The following ASXL2 variants were observed in gnomAD, a reference collection of about 807,000 sequenced individuals.
The protein encoded by ASXL2 is putative Polycomb group protein ASXL2.
In ASXL2, 23 loss-of-function variants were observed where a neutral mutation model predicts 122.0. The observed-to-expected ratio is 0.19, with a 90% CI of 0.14 to 0.27. ASXL2 has a LOEUF of 0.27. Among genes scored for constraint, ASXL2 ranks in the 10% least tolerant of loss-of-function variants. The pLI is 1.00. For missense variants in ASXL2, 1,518 were observed against 1,713.8 expected (o/e 0.89, Z 2.02); for synonymous variants, 650 against 637.0 (o/e 1.02, Z -0.31).
chr2:25,794,114 T>C (rs564501799), intron 5 of ASXL2, among the ~76,000 whole-genome samples: 6 of 152,304 alleles, frequency 3.9e-5, no homozygotes, highest in Non-Finnish European at 5.9e-5. Flanking sequence ...AGAAGGTAGA[T>C]AGGTTTATGG....
chr2:25,775,187 G>A (rs559171039), intron 5 of ASXL2, among the ~76,000 whole-genome samples: 2 of 152,194 alleles, frequency 1.3e-5, no homozygotes, highest in African/African-American at 4.8e-5. Context: ...GAGTGCAATG[G>A]CACAATCTCA....
chr2:25,843,523 A>G (rs181045681), intron 2 of ASXL2, among the ~76,000 whole-genome samples: 17 of 152,286 alleles, frequency 1.1e-4, no homozygotes, highest in Admixed American at 9.8e-4. Context: ...GTAAACTAAT[A>G]TATTTTACTT....
At chr2:25,783,733 G>A (rs1174325615) in intron 5 of ASXL2, among the ~76,000 whole-genome samples, 33 of 151,822 alleles carry the variant, frequency 2.2e-4, no homozygotes, top group Admixed American at 2.1e-3. Flanking sequence ...ACCAGCCTGG[G>A]CAACGTGGCA....
At chr2:25,775,044 A>C (rs1026321185) in intron 5 of ASXL2, among the ~76,000 whole-genome samples, 1 of 152,098 alleles carries the variant, frequency 6.6e-6, no homozygotes, top group Non-Finnish European at 1.5e-5. Flanking sequence ...GACTTGTGGT[A>C]GTTTTTTATG....
At chr2:25,791,619 C>T (rs1453831422) in intron 5 of ASXL2, among the ~76,000 whole-genome samples, 4 of 152,162 alleles carry the variant, frequency 2.6e-5, no homozygotes, top group Admixed American at 6.5e-5. Context: ...TATCTTCTTA[C>T]GGCTTCCTGA....
chr2:25,794,074 ATTCAG>A (rs756419445), intron 5 of ASXL2, among the ~76,000 whole-genome samples: 29 of 152,312 alleles, frequency 1.9e-4, no homozygotes, highest in Non-Finnish European at 3.4e-4. Flanking sequence ...AATCATACCC[ATTCAG>A]TAACTTAACA....
chr2:25,851,012 G>C (rs941682624), intron 1 of ASXL2, among the ~76,000 whole-genome samples: 1 of 152,084 alleles, frequency 6.6e-6, no homozygotes, highest in Non-Finnish European at 1.5e-5. Context: ...GGGGGCGCAT[G>C]CCTGTAATCC....
At chr2:25,771,387 G>C (rs539765763) in intron 6 of ASXL2, 53 bp downstream of exon 6, 6 of 1,499,254 alleles carry the variant, frequency 4.0e-6, no homozygotes, top group Non-Finnish European at 5.5e-6. Flanking sequence ...CCAGAGGTGT[G>C]CGTTTTAAAT....
Position 25,856,840 on chromosome 2 carries a change from C to G in ASXL2, c.58-11277G>C, listed in dbSNP as rs2089785210. 7 of 941,754 alleles carry G rather than the reference C, an allele frequency of 7.4e-6. No homozygotes were observed. In the East Asian group the frequency reaches 1.7e-4, roughly 23 times the overall value. The allele number at this position is 941,754 out of a possible 1,614,324, so 58.3% of individuals were successfully genotyped here. A position where few individuals can be genotyped will look rare whatever the true frequency, so the allele number is the denominator to read the frequency against. ...TCCCCCACAATCTGGATGTCCACCC[C>G]TGAGAGGAACGAGGTCCAAGTGGCC... On this transcript the variant is annotated intron_variant, in intron 1 of 12. Transcript: ENST00000435504.
At chr2:25,795,502 G>A (rs1019064679) in intron 5 of ASXL2, among the ~76,000 whole-genome samples, 5 of 152,080 alleles carry the variant, frequency 3.3e-5, no homozygotes, top group Non-Finnish European at 5.9e-5. Context: ...ATTAATAACC[G>A]TTAGTTATAA....
chr2:25,788,073 T>C (rs1031283909), intron 5 of ASXL2, among the ~76,000 whole-genome samples: 3 of 152,190 alleles, frequency 2.0e-5, no homozygotes, highest in African/African-American at 7.2e-5. Flanking sequence ...CATAACTATA[T>C]GGTCAATTGA....
At chr2:25,793,855 A>G (rs1254824614) in intron 5 of ASXL2, among the ~76,000 whole-genome samples, 1 of 152,194 alleles carries the variant, frequency 6.6e-6, no homozygotes, top group Non-Finnish European at 1.5e-5. Flanking sequence ...GAAAGGCCAC[A>G]CCTCAACACT....
At chr2:25,745,418 G>A (rs1309697574) in intron 12 of ASXL2, among the ~76,000 whole-genome samples, 1 of 151,306 alleles carries the variant, frequency 6.6e-6, no homozygotes, top group Non-Finnish European at 1.5e-5. Context: ...TCACCATGTT[G>A]GCTAGGCTAG....
chr2:25,802,422 C>A (rs943448313), intron 4 of ASXL2, among the ~76,000 whole-genome samples: 6 of 152,116 alleles, frequency 3.9e-5, no homozygotes, highest in African/African-American at 1.4e-4. Flanking sequence ...ACTACAGTTC[C>A]TGGCCTAGAG....
chr2:25,814,236 G>C (rs889903745), intron 3 of ASXL2, among the ~76,000 whole-genome samples: 3 of 152,008 alleles, frequency 2.0e-5, no homozygotes, highest in Admixed American at 6.6e-5. Context: ...AAAGAATCCG[G>C]GCAGTTTATT....
At chr2:25,785,267 CCTGGCTGGAGGACAG>C (rs1169461490) in intron 5 of ASXL2, among the ~76,000 whole-genome samples, 13 of 152,106 alleles carry the variant, frequency 8.5e-5, no homozygotes, top group Admixed American at 2.6e-4. Flanking sequence ...GCTCTGTCTC[CCTGGCTGGAGGACAG>C]TGGCACAATC....
intron 3 of ASXL2, among the ~76,000 whole-genome samples, chr2:25,815,289 A>G (rs775776131): frequency 3.3e-5 from 5 of 152,164 alleles, no homozygotes; most frequent in Non-Finnish European, 7.4e-5. Context: ...CCATTCTGCT[A>G]CACACCCTCT....
intron 3 of ASXL2, among the ~76,000 whole-genome samples, chr2:25,817,248 A>AT (rs2089249662): frequency 6.6e-6 from 1 of 152,200 alleles, no homozygotes; most frequent in Admixed American, 6.5e-5. Context: ...TGGAGAAACT[A>AT]TTTTTTGGAA....
rs952994410 is a variant in ASXL2, at chr2:25,783,655, A to G, written c.404-12115T>C. ...TTATAAACTGCCTTCCAGACTGGAC[A>G]CAGTGGCTCACACCTGTAATCCCAG... On this transcript the variant is annotated intron_variant, in intron 5 of 12. Coordinates refer to ENST00000435504, the MANE Select transcript of ASXL2 (RefSeq NM_018263.6). Among the ~76,000 whole-genome samples the G allele has an allele frequency of 2.6e-5, 4 of 152,248 alleles. No homozygotes were observed. The East Asian group carries it at 7.7e-4, about 29-fold the overall frequency.
Sources: gnomAD v4.1 joint callset for allele counts (sites outside exome capture counted in the v4.1 genomes callset) on GRCh38, gnomAD v4.1.1 for gene constraint, MANE v1.5 for transcripts, NCBI Gene and HGNC (gene_info 2026-07-23, HGNC 2026-07-21) for gene names.